ACSM3: variants seen among roughly 807,000 people sequenced by gnomAD.
The protein encoded by ACSM3 is acyl-coenzyme A synthetase ACSM3, mitochondrial.
In ACSM3, 61 loss-of-function variants were observed where a neutral mutation model predicts 74.1. That is an observed-to-expected ratio of 0.82 (90% confidence interval 0.67 to 1.02). The LOEUF is 1.02. Among genes scored for constraint, ACSM3 ranks in the 50% least tolerant of loss-of-function variants. The pLI is 0.00. For synonymous variants in ACSM3, 213 were observed against 241.5 expected (o/e 0.88, Z 1.09); for missense variants, 660 against 697.0 (o/e 0.95, Z 0.60).
chr16:20,771,341 G>A (rs868849284), intron 2 of ACSM3, among the ~76,000 whole-genome samples: 20 of 148,762 alleles, frequency 1.3e-4, no homozygotes, highest in African/African-American at 2.7e-4. Flanking sequence ...GATTACAGGC[G>A]TGAGCCACCC....
chr16:20,786,255 T>C (rs2080473439), intron 9 of ACSM3, 97 bp downstream of exon 9: 1 of 1,486,146 alleles, frequency 6.7e-7, no homozygotes, highest in Non-Finnish European at 9.0e-7. Flanking sequence ...GTTATGATGG[T>C]GATTCCATTT....
intron 1 of ACSM3, among the ~76,000 whole-genome samples, chr16:20,766,072 A>G (rs117906116): frequency 1.4e-3 from 216 of 152,294 alleles, no homozygotes; most frequent in Non-Finnish European, 2.2e-3. Context: ...AATCATGCCA[A>G]CCTACCAAGA....
chr16:20,781,240 A>G, intron 6 of ACSM3, 110 bp downstream of exon 6: 1 of 1,336,744 alleles, frequency 7.5e-7, no homozygotes, highest in South Asian at 1.4e-5. Flanking sequence ...ATATGATTTA[A>G]GATATGTCAC....
chr16:20,794,610 A>G (rs1025228964), intron 12 of ACSM3, among the ~76,000 whole-genome samples: 9 of 152,242 alleles, frequency 5.9e-5, no homozygotes, highest in African/African-American at 1.9e-4. Flanking sequence ...AGAGATTTGA[A>G]GCCCACTTAT....
intron 1 of ACSM3, chr16:20,738,893 A>T: frequency 6.2e-7 from 1 of 1,613,772 alleles, no homozygotes; most frequent in Non-Finnish European, 8.5e-7. Flanking sequence ...AGTATTTGTC[A>T]CACCTATCCC....
chr16:20,794,174 C>G (rs773670206), intron 12 of ACSM3, among the ~76,000 whole-genome samples: 4 of 152,190 alleles, frequency 2.6e-5, no homozygotes, highest in Admixed American at 1.3e-4. Context: ...TTAGGTCCTT[C>G]TCTAGGCTGG....
intron 4 of ACSM3, among the ~76,000 whole-genome samples, chr16:20,779,133 C>T (rs1188084238): frequency 6.6e-6 from 1 of 152,042 alleles, no homozygotes; most frequent in African/African-American, 2.4e-5. Context: ...ATTTTGAAAA[C>T]AGCTTTTTAG....
intron 1 of ACSM3, among the ~76,000 whole-genome samples, chr16:20,714,364 CT>C (rs956359301): frequency 7.9e-5 from 12 of 152,062 alleles, no homozygotes; most frequent in Non-Finnish European, 1.3e-4. Flanking sequence ...TAAATTGCCC[CT>C]GTAAACAAGG....
At chr16:20,711,531 G>A (rs1412870126) in intron 1 of ACSM3, 2 of 1,423,702 alleles carry the variant, frequency 1.4e-6, no homozygotes, top group Admixed American at 1.9e-5. Context: ...TCTACCGGCT[G>A]CAAGCATCCA....
intron 1 of ACSM3, among the ~76,000 whole-genome samples, chr16:20,713,112 T>C (rs1310430553): frequency 6.6e-6 from 1 of 152,192 alleles, no homozygotes; most frequent in African/African-American, 2.4e-5. Context: ...CTGTGTAACC[T>C]TGGATAAGTA....
intron 2 of ACSM3, among the ~76,000 whole-genome samples, chr16:20,754,068 T>C (rs2080009967): frequency 6.6e-6 from 1 of 152,126 alleles, no homozygotes; most frequent in South Asian, 2.1e-4. Flanking sequence ...TTTTCCATGG[T>C]CATTGGAAGG....
chr16:20,775,726 T>A, intron 2 of ACSM3, 113 bp from the exon 3 acceptor site: 1 of 1,036,070 alleles, frequency 9.7e-7, no homozygotes, highest in East Asian at 2.4e-5. Flanking sequence ...CCATCCATGT[T>A]CTAACTAATG....
In ACSM3 at chr16:20,781,802, T is replaced by G; in HGVS notation, c.1019+15T>G. On this transcript the variant is annotated intron_variant, in intron 7 of 13. Coordinates refer to ENST00000289416, the MANE Select transcript of ACSM3 (RefSeq NM_005622.4). ...GATATAACCAGGTAAGAAATGTTAG[T>G]AAATAGGCATCTAGTGGGGAGAGGG... 2 of 1,572,222 alleles carry G rather than the reference T, an allele frequency of 1.3e-6. No homozygotes were observed. The highest frequency in any genetic ancestry group is 1.8e-6 in the Non-Finnish European group (2 of 1,142,000).
chr16:20,737,254 C>T (rs2079878650), intron 1 of ACSM3: 3 of 1,613,598 alleles, frequency 1.9e-6, no homozygotes, highest in Non-Finnish European at 2.5e-6. Flanking sequence ...GTGAGATCCA[C>T]TTTATTTTCT....
chr16:20,723,120 A>G (rs1376145668), intron 1 of ACSM3, among the ~76,000 whole-genome samples: 1 of 151,928 alleles, frequency 6.6e-6, no homozygotes, highest in South Asian at 2.1e-4. Flanking sequence ...ACCTATGAGT[A>G]AGAACATGCG....
intron 1 of ACSM3, chr16:20,718,487 G>A: frequency 2.6e-6 from 1 of 379,422 alleles, no homozygotes; most frequent in South Asian, 1.1e-4. Flanking sequence ...TTCACCGTCT[G>A]TGGAAGGTAG....
rs1424072663 is a variant in ACSM3, at chr16:20,792,271, T to C, written c.1490T>C (p.Leu497Pro). 6.2e-7 allele frequency: 1 copy of C among 1,614,136 alleles called. No individual in the cohort carries two copies. Among genetic ancestry groups the C allele is most frequent in the Non-Finnish European group, 8.5e-7 (1 of 1,179,990 alleles). The stretch of plus-strand genomic sequence containing the variant: ...GGACCATTTGAGGTAGAAAATGCCC[T>C]GAATGAACACCCTTCAGTTGCAGAG... ...RIGPFEVENA[L>P]NEHPSVAESA... The change falls in exon 12 of 14, where the codon CTG becomes CCG. Residue 497 changes from leucine to proline, a missense_variant. Leu to Pro is a moderately conservative substitution (Grantham distance 98). Coordinates refer to ENST00000289416, the MANE Select transcript of ACSM3 (RefSeq NM_005622.4).
chr16:20,715,446 A>G (rs1440579420), intron 1 of ACSM3, among the ~76,000 whole-genome samples: 2 of 152,134 alleles, frequency 1.3e-5, no homozygotes, highest in Non-Finnish European at 2.9e-5. Flanking sequence ...TCCACTAAAA[A>G]TACAAAAATT....
At chr16:20,707,677 A>G (rs1286581874) in intron 1 of ACSM3, among the ~76,000 whole-genome samples, 1 of 152,210 alleles carries the variant, frequency 6.6e-6, no homozygotes, top group East Asian at 1.9e-4. Context: ...TTTGGCTACA[A>G]TCCCATAGGC....
Sources: allele counts gnomAD v4.1 joint callset (sites outside exome capture counted in the v4.1 genomes callset), GRCh38; gene constraint gnomAD v4.1.1; transcripts MANE v1.5; gene names NCBI Gene and HGNC (gene_info 2026-07-23, HGNC 2026-07-21).